Variants in DSE observed in about 807,000 individuals in gnomAD.
DSE encodes dermatan sulfate epimerase.
DSE carries 36 observed loss-of-function variants against 84.4 expected under a neutral mutation model. The observed-to-expected ratio is 0.43, with a 90% CI of 0.33 to 0.56. The LOEUF is 0.56. Among genes scored for constraint, DSE ranks in the 20% least tolerant of loss-of-function variants. The pLI is 0.06. For synonymous variants in DSE, 410 were observed against 430.1 expected (o/e 0.95, Z 0.58); for missense variants, 862 against 1,169.6 (o/e 0.74, Z 3.84).
intron 1 of DSE, among the ~76,000 whole-genome samples, chr6:116,392,802 G>A (rs1780994651): frequency 6.6e-6 from 1 of 152,152 alleles, no homozygotes; most frequent in Non-Finnish European, 1.5e-5. Context: ...GGTTTCCTGT[G>A]AAGTCAGAAA....
chr6:116,305,481 A>G (rs1345402005), intron 2 of DSE, among the ~76,000 whole-genome samples: 1 of 152,242 alleles, frequency 6.6e-6, no homozygotes, highest in Non-Finnish European at 1.5e-5. Flanking sequence ...GAAATGCAAT[A>G]CATGGTCCTG....
intron 1 of DSE, among the ~76,000 whole-genome samples, chr6:116,395,191 C>T (rs376017102): frequency 1.3e-5 from 2 of 151,062 alleles, no homozygotes; most frequent in South Asian, 2.1e-4. Context: ...TTTGGGAGGC[C>T]GAGGCGGGTG....
chr6:116,399,769 A>G, intron 2 of DSE, 103 bp downstream of exon 2: 1 of 1,147,830 alleles, frequency 8.7e-7, no homozygotes, highest in Non-Finnish European at 1.2e-6. Flanking sequence ...CTCTTTGTGT[A>G]TGTGTGTGGG....
chr6:116,404,501 A>G lies in DSE; in HGVS notation c.416+4835A>G, dbSNP rs564058273. ...CAGTGGTCTTTGGATCTGTCCTTGC[A>G]TCTTGGCTCTGCCATTGTGTTAGCC... On this transcript the variant is annotated intron_variant, in intron 2 of 5. Transcript: ENST00000644252. Among the ~76,000 whole-genome samples, 3 of 152,320 alleles carry G rather than the reference A, an allele frequency of 2.0e-5. No individual in the cohort carries two copies. The South Asian group carries it at 6.2e-4, about 32-fold the overall frequency.
upstream of DSE, among the ~76,000 whole-genome samples, chr6:116,367,600 G>A (rs1206905717): frequency 6.6e-6 from 1 of 152,054 alleles, no homozygotes; most frequent in African/African-American, 2.4e-5. Flanking sequence ...AACATGGAAG[G>A]GATGCCTCTG....
chr6:116,371,469 G>C (rs1779567853), intron 1 of DSE, among the ~76,000 whole-genome samples: 1 of 152,234 alleles, frequency 6.6e-6, no homozygotes, highest in Non-Finnish European at 1.5e-5. Context: ...CGGCCCAGCC[G>C]CGATTTCCTC....
intron 1 of DSE, among the ~76,000 whole-genome samples, chr6:116,386,946 C>A (rs114503927): frequency 6.6e-6 from 1 of 152,170 alleles, no homozygotes; most frequent in Non-Finnish European, 1.5e-5. Flanking sequence ...CTTATAGTAT[C>A]TTATCCTAGA....
chr6:116,337,029 C>T (rs1777291795), intron 2 of DSE, among the ~76,000 whole-genome samples: 1 of 152,140 alleles, frequency 6.6e-6, no homozygotes, highest in Admixed American at 6.5e-5. Context: ...CCAGTGTTTA[C>T]ATTTTATCTC....
At chr6:116,411,322 A>G (rs901221848) in intron 2 of DSE, among the ~76,000 whole-genome samples, 8 of 152,250 alleles carry the variant, frequency 5.3e-5, no homozygotes, top group African/African-American at 1.9e-4. Context: ...TACAATAAAT[A>G]AATGAAGAAT....
upstream of DSE, among the ~76,000 whole-genome samples, chr6:116,370,675 T>G: frequency 6.7e-6 from 1 of 148,950 alleles, no homozygotes; most frequent in Non-Finnish European, 1.5e-5. Flanking sequence ...CGGGCGGGGG[T>G]GCGGGTGGAG....
intron 2 of DSE, among the ~76,000 whole-genome samples, chr6:116,402,080 T>C (rs1187547730): frequency 1.3e-5 from 2 of 152,198 alleles, no homozygotes; most frequent in African/African-American, 4.8e-5. Context: ...CTACTGTGTA[T>C]CATGCACTGT....
intron 2 of DSE, among the ~76,000 whole-genome samples, chr6:116,340,155 C>T (rs1023239273): frequency 1.3e-5 from 2 of 152,140 alleles, no homozygotes; most frequent in African/African-American, 4.8e-5. Context: ...CTTCTTGAAC[C>T]TGCAGATTAA....
intron 1 of DSE, among the ~76,000 whole-genome samples, chr6:116,388,243 G>A (rs1255334021): frequency 2.0e-5 from 3 of 152,158 alleles, no homozygotes; most frequent in Admixed American, 6.5e-5. Flanking sequence ...CTGAGAACTA[G>A]GACCACTGTT....
intron 1 of DSE, among the ~76,000 whole-genome samples, chr6:116,378,557 C>T (rs1179693109): frequency 6.6e-6 from 1 of 152,104 alleles, no homozygotes; most frequent in Non-Finnish European, 1.5e-5. Context: ...CCATCCCCTG[C>T]TTAATCTGTT....
intron 1 of DSE, among the ~76,000 whole-genome samples, chr6:116,378,729 C>A (rs183248860): frequency 5.3e-5 from 8 of 152,152 alleles, no homozygotes; most frequent in Non-Finnish European, 1.2e-4. Context: ...TTAATTAACA[C>A]ATCCATCACC....
intron 2 of DSE, among the ~76,000 whole-genome samples, chr6:116,362,027 A>AT (rs1363128894): frequency 3.9e-5 from 6 of 152,208 alleles, no homozygotes; most frequent in African/African-American, 1.4e-4. Context: ...TTAGACTGTA[A>AT]AGACCCTCAG....
At chr6:116,302,999 A>G (rs1775129083) in intron 2 of DSE, among the ~76,000 whole-genome samples, 1 of 152,064 alleles carries the variant, frequency 6.6e-6, no homozygotes, top group Admixed American at 6.6e-5. Context: ...CCACTGGTCT[A>G]TATATATCTG....
chr6:116,279,295 C>T, intron 2 of DSE: 1 of 1,519,670 alleles, frequency 6.6e-7, no homozygotes, highest in Non-Finnish European at 8.7e-7. Context: ...CTCCGCCAGG[C>T]CTTCCTTCAC....
chr6:116,330,778 G>A (rs887581758), intron 2 of DSE, among the ~76,000 whole-genome samples: 2 of 152,068 alleles, frequency 1.3e-5, no homozygotes, highest in African/African-American at 4.8e-5. Flanking sequence ...GAAAAACAAA[G>A]ATGTTCTCCA....
Sources: allele counts gnomAD v4.1 joint callset (sites outside exome capture counted in the v4.1 genomes callset), GRCh38; gene constraint gnomAD v4.1.1; transcripts MANE v1.5; gene names NCBI Gene and HGNC (gene_info 2026-07-23, HGNC 2026-07-21).